Variants in ASB6 observed in about 807,000 individuals in gnomAD.
ASB6 encodes the protein ankyrin repeat and SOCS box containing 6.
A neutral mutation model predicts 28.6 loss-of-function variants in ASB6; 24 were observed. The observed-to-expected ratio is 0.84, with a 90% CI of 0.61 to 1.18. The LOEUF (loss-of-function observed/expected upper bound fraction) is 1.18, where lower values mean the gene tolerates loss of function less well. Ranked by LOEUF, ASB6 falls within the 50% of genes most tolerant of loss-of-function variation. The pLI, the probability that ASB6 is intolerant of heterozygous loss-of-function variation, is 0.00. For synonymous variants in ASB6, 267 were observed against 243.4 expected (o/e 1.10, Z -0.90); for missense variants, 519 against 559.8 (o/e 0.93, Z 0.74).
chr9:129,637,041 C>T lies in ASB6; in HGVS notation c.*749G>A, dbSNP rs1332739078. 2 of 152,244 alleles carry T rather than the reference C, an allele frequency of 1.3e-5. No homozygotes were observed. The highest frequency in any genetic ancestry group is 4.8e-5 in the African/African-American group (2 of 41,454). 9.4% of individuals were successfully genotyped at this position (152,244 alleles called of 1,614,324 possible). ...CAAGTGGGTGGCACAGTCGGCTCTT[C>T]AGTGGCTCCAAAGTGAGCCCCTCAC... On this transcript the variant is annotated 3_prime_UTR_variant, in exon 6 of 6. Transcript: ENST00000277458.
In ASB6 at chr9:129,640,563, A is replaced by G. The variant is rs1407937128; in HGVS notation, c.273T>C (p.His91=). 1 of 1,611,242 alleles carries G rather than the reference A, an allele frequency of 6.2e-7. No homozygotes were observed. Among genetic ancestry groups the G allele is most frequent in the Non-Finnish European group, 8.5e-7 (1 of 1,179,324 alleles). Residue 91 remains histidine (H), a synonymous_variant, in exon 2 of 6, where the codon CAT becomes CAC. Transcript: ENST00000277458. ...LTRAADVLLR[H]GANLNFEDPV... ...GACCTTCAAAGTTGAGATTGGCCCC[A>G]TGCCGCAAGAGAACGTCGGCCGCCC... is the stretch of plus-strand genomic sequence containing the variant.
chr9:129,641,785 C>CT lies in ASB6; in HGVS notation c.113+101dup. 2.5e-6 allele frequency: 3 copies of CT among 1,212,224 alleles called. No homozygotes were observed. In the South Asian group the frequency reaches 5.2e-5, roughly 21 times the overall value. The allele number at this position is 1,212,224 out of a possible 1,614,324, so 75.1% of individuals were successfully genotyped here. A position where few individuals can be genotyped will look rare whatever the true frequency, so the allele number is the denominator to read the frequency against. On this transcript the variant is annotated intron_variant, in intron 1 of 5. Coordinates refer to ENST00000277458, the MANE Select transcript of ASB6 (RefSeq NM_017873.4). ...CCCCGGCTTCCGCCCGTCCCTTCCT[C>CT]TGTCAAGGGGGACGCATCCACCCCG...
At chr9:129,639,791 C>T (rs950755226) in intron 2 of ASB6, among the ~76,000 whole-genome samples, 3 of 152,238 alleles carry the variant, frequency 2.0e-5, no homozygotes, top group African/African-American at 2.4e-5. Context: ...GCTGGGAGGC[C>T]GCGCTACACA....
In ASB6 at chr9:129,640,581, G is replaced by A. The variant is rs1250044712; in HGVS notation, c.255C>T (p.Ala85=). ...TGGCCCCATGCCGCAAGAGAACGTCGGCCGCCCGCGTCAGCCCCAGCTCAG... is the reference window on the plus strand; with the variant it reads ...TGGCCCCATGCCGCAAGAGAACGTCAGCCGCCCGCGTCAGCCCCAGCTCAG... ...KMAELGLTRA[A]DVLLRHGANL... The change falls in exon 2 of 6, where the codon GCC becomes GCT. Residue 85 remains alanine, a synonymous_variant. Transcript: ENST00000277458. 3.1e-6 allele frequency: 5 copies of A among 1,612,186 alleles called. No homozygotes were observed. Among genetic ancestry groups the A allele is most frequent in the South Asian group, 2.2e-5 (2 of 90,942 alleles).
Position 129,638,588 on chromosome 9 carries a change from G to T in ASB6, c.583C>A (p.Leu195Ile). 6.2e-7 allele frequency: 1 copy of T among 1,614,034 alleles called. No homozygotes were observed. Among genetic ancestry groups the T allele is most frequent in the Non-Finnish European group, 8.5e-7 (1 of 1,179,968 alleles). ...CCAGCCTCACCTCCTTCCAGTAAGA[G>T]ACGAATGTTCTCAGTATTGTGGATC... ...VQIHNTENIR[L>I]LLEGGADVKA... The change falls in exon 5 of 6, where the codon CTC becomes ATC. Residue 195 changes from leucine to isoleucine, a missense_variant. Leu to Ile is a conservative substitution (Grantham distance 5, BLOSUM62 2). Coordinates refer to ENST00000277458, the MANE Select transcript of ASB6 (RefSeq NM_017873.4).
In ASB6 at chr9:129,638,560, G is replaced by A. The variant is rs775015210; in HGVS notation, c.598+13C>T. On this transcript the variant is annotated intron_variant, in intron 5 of 5. Coordinates refer to ENST00000277458, the MANE Select transcript of ASB6 (RefSeq NM_017873.4). ...GGGTGAGAGGACGAGGCCTAGGAGCGCGCCAGCCTCACCTCCTTCCAGTAA... is the reference window on the plus strand; with the variant it reads ...GGGTGAGAGGACGAGGCCTAGGAGCACGCCAGCCTCACCTCCTTCCAGTAA... 3.1e-5 allele frequency: 50 copies of A among 1,613,462 alleles called. No homozygotes were observed. Among genetic ancestry groups the A allele is most frequent in the East Asian group, 4.5e-5 (2 of 44,890 alleles).
chr9:129,635,636 C>T lies in ASB6; in HGVS notation c.*2154G>A, dbSNP rs924197677. The stretch of plus-strand genomic sequence containing the variant: ...CTTCTTCAAAAGGCAAGGTGGGACC[C>T]GGCGGGGAGGGTGCTGCTGAACCAG... On this transcript the variant is annotated 3_prime_UTR_variant, in exon 6 of 6. Coordinates refer to ENST00000277458, the MANE Select transcript of ASB6 (RefSeq NM_017873.4). The T allele has an allele frequency of 6.1e-6, 5 of 815,932 alleles. No homozygotes were observed. The highest frequency in any genetic ancestry group is 2.5e-5 in the East Asian group (1 of 39,832). The allele number at this position is 815,932 out of a possible 1,614,324, so 50.5% of individuals were successfully genotyped here. A position where few individuals can be genotyped will look rare whatever the true frequency, so the allele number is the denominator to read the frequency against.
chr9:129,639,965 G>A (rs532190427), intron 2 of ASB6, among the ~76,000 whole-genome samples: 1 of 152,262 alleles, frequency 6.6e-6, no homozygotes, highest in South Asian at 2.1e-4. Context: ...AAGGAGACGT[G>A]CCTGGCTGTC....
In ASB6 at chr9:129,634,671, T is replaced by C. The variant is rs748587071; in HGVS notation, c.*3119A>G. 8.5e-6 allele frequency: 2 copies of C among 235,926 alleles called. No homozygotes were observed. Among genetic ancestry groups the C allele is most frequent in the South Asian group, 7.1e-5 (1 of 14,086 alleles). The allele number at this position is 235,926 out of a possible 1,614,324, so 14.6% of individuals were successfully genotyped here. A position where few individuals can be genotyped will look rare whatever the true frequency, so the allele number is the denominator to read the frequency against. On this transcript the variant is annotated 3_prime_UTR_variant, in exon 6 of 6. Coordinates refer to ENST00000277458, the MANE Select transcript of ASB6 (RefSeq NM_017873.4). ...AAGCTTCGTGTCTAGCCCTGCACCC[T>C]CTTAGCCTAACAGCACACCTCGAGC...
chr9:129,635,493 CCA>C lies in ASB6; in HGVS notation c.*2295_*2296del. 1 of 1,594,094 alleles carries C rather than the reference CCA, an allele frequency of 6.3e-7. No homozygotes were observed. Among genetic ancestry groups the C allele is most frequent in the Non-Finnish European group, 8.6e-7 (1 of 1,167,844 alleles). On this transcript the variant is annotated 3_prime_UTR_variant, in exon 6 of 6. Transcript: ENST00000277458. Reference sequence around the variant, plus strand: ...GGGGCTGGCAGGAGAAACTGAGGAACCACAGTCCTGGTGGGGGGAGCTGGCAG... The same window carrying C: ...GGGGCTGGCAGGAGAAACTGAGGAACCAGTCCTGGTGGGGGGAGCTGGCAG...
At chr9:129,639,148 CCCA>C in intron 4 of ASB6, 51 bp downstream of exon 4, 1 of 1,531,124 alleles carries the variant, frequency 6.5e-7, no homozygotes, top group Non-Finnish European at 8.8e-7. Flanking sequence ...CTGGGTGTCC[CCCA>C]CAAGGTGCCT....
chr9:129,639,062 T>C, intron 4 of ASB6, 140 bp downstream of exon 4: 1 of 837,178 alleles, frequency 1.2e-6, no homozygotes, highest in South Asian at 1.7e-5. Flanking sequence ...GCAGAATCCC[T>C]GTGTGCCCAG....
chr9:129,634,630 A>G lies in ASB6; in HGVS notation c.*3160T>C, dbSNP rs1831408255. 3.6e-6 allele frequency: 1 copy of G among 278,944 alleles called. No homozygotes were observed. The highest frequency in any genetic ancestry group is 4.9e-5 in the Admixed American group (1 of 20,342). 17.3% of individuals were successfully genotyped at this position (278,944 alleles called of 1,614,324 possible). ...GAGTTTTATAAGGGTTTTATTTTTA[A>G]TAAGATGAATAGTTTAAGCTTCGTG... On this transcript the variant is annotated 3_prime_UTR_variant, in exon 6 of 6. Transcript: ENST00000277458.
chr9:129,638,225 C>T lies in ASB6; in HGVS notation c.831G>A (p.Leu277=). The T allele has an allele frequency of 4.3e-6, 7 of 1,613,542 alleles. No individual in the cohort carries two copies. The highest frequency in any genetic ancestry group is 5.9e-6 in the Non-Finnish European group (7 of 1,179,918). ...CGGCTCCGGACTCCAGGAGGAAGCG[C>T]AGGAGAGGGAAGTGCAGTTTAAAGC... The part of the protein sequence containing the change: ...LKSFKLHFPL[L]RFLLESGAAY... Residue 277 remains leucine, a synonymous_variant, in exon 6 of 6, where the codon CTG becomes CTA. Transcript: ENST00000277458.
chr9:129,635,554 G>C lies in ASB6; in HGVS notation c.*2236C>G. The C allele has an allele frequency of 2.1e-6, 3 of 1,456,318 alleles. No individual in the cohort carries two copies. The highest frequency in any genetic ancestry group is 2.8e-6 in the Non-Finnish European group (3 of 1,075,652). The allele number at this position is 1,456,318 out of a possible 1,614,324, so 90.2% of individuals were successfully genotyped here. A position where few individuals can be genotyped will look rare whatever the true frequency, so the allele number is the denominator to read the frequency against. On this transcript the variant is annotated 3_prime_UTR_variant, in exon 6 of 6. Coordinates refer to ENST00000277458, the MANE Select transcript of ASB6 (RefSeq NM_017873.4). The stretch of plus-strand genomic sequence containing the variant: ...GATCCAGGCGCCACGCTGGCGGTTC[G>C]TGAGTGTCGAGGCACCACTAAATAT...
Position 129,635,590 on chromosome 9 carries a change from C to A in ASB6, c.*2200G>T. 2 of 1,172,458 alleles carry A rather than the reference C, an allele frequency of 1.7e-6. No homozygotes were observed. Among genetic ancestry groups the A allele is most frequent in the Admixed American group, 2.2e-5 (1 of 44,902 alleles). 72.6% of individuals were successfully genotyped at this position (1,172,458 alleles called of 1,614,324 possible). A position where few individuals can be genotyped will look rare whatever the true frequency, so the allele number is the denominator to read the frequency against. On this transcript the variant is annotated 3_prime_UTR_variant, in exon 6 of 6. Coordinates refer to ENST00000277458, the MANE Select transcript of ASB6 (RefSeq NM_017873.4). ...GGCACCACTAAATATAGCTGTCTGC[C>A]GTCCACTCATTATGCGGGCTCTTCT...
rs779927342 is a variant in ASB6, at chr9:129,639,518, C to T, written c.296-10G>A. ...TAGTAGGTGACTGGGTCTGAAGGTG[C>T]AGACACAGCTCATGTGGGTCCTATC... On this transcript the variant is annotated splice_polypyrimidine_tract_variant and intron_variant, in intron 2 of 5. Coordinates refer to ENST00000277458, the MANE Select transcript of ASB6 (RefSeq NM_017873.4). The T allele has an allele frequency of 6.2e-7, 1 of 1,607,754 alleles. No individual in the cohort carries two copies. Among genetic ancestry groups the T allele is most frequent in the Non-Finnish European group, 8.5e-7 (1 of 1,175,584 alleles).
At chr9:129,641,777 C>T in intron 1 of ASB6, 110 bp downstream of exon 1, 3 of 1,167,412 alleles carry the variant, frequency 2.6e-6, no homozygotes, top group Non-Finnish European at 3.4e-6. Flanking sequence ...TTCCGCCCGT[C>T]CCTTCCTCTG....
intron 1 of ASB6, chr9:129,640,992 C>T (rs970863913): frequency 8.5e-5 from 35 of 411,384 alleles, no homozygotes; most frequent in Non-Finnish European, 1.5e-4. Flanking sequence ...GACTTAGGTA[C>T]AAAGCCTCAC....
Sources: allele counts gnomAD v4.1 joint callset (sites outside exome capture counted in the v4.1 genomes callset), GRCh38; gene constraint gnomAD v4.1.1; transcripts MANE v1.5; gene names NCBI Gene and HGNC (gene_info 2026-07-23, HGNC 2026-07-21).